Variants in VEPH1 observed in about 807,000 individuals in gnomAD.
VEPH1 encodes the protein ventricular zone expressed PH domain containing 1, also known as ventricular zone-expressed PH domain-containing protein homolog 1.
In VEPH1, 80 loss-of-function variants were observed where a neutral mutation model predicts 85.2. The ratio of observed to expected loss-of-function variants is 0.94; its 90% CI spans 0.78 to 1.13. The LOEUF (loss-of-function observed/expected upper bound fraction) is 1.13, where lower values mean the gene tolerates loss of function less well. Ranked by LOEUF, VEPH1 falls within the 50% of genes most tolerant of loss-of-function variation. VEPH1 has a pLI of 0.00. For missense variants in VEPH1, 955 were observed against 980.5 expected, an observed-to-expected ratio of 0.97 and a Z score of 0.35; for synonymous variants, 297 against 348.0, an observed-to-expected ratio of 0.85 and a Z score of 1.63.
At chr3:157,368,539 T>C (rs1727000365) in intron 7 of VEPH1, among the ~76,000 whole-genome samples, 2 of 152,156 alleles carry the variant, frequency 1.3e-5, no homozygotes, top group Non-Finnish European at 2.9e-5. Context: ...TCGCCCAGGC[T>C]GGAGTGCAGT....
chr3:157,274,284 A>G (rs888708577), intron 12 of VEPH1, among the ~76,000 whole-genome samples: 5 of 152,224 alleles, frequency 3.3e-5, no homozygotes, highest in African/African-American at 7.2e-5. Context: ...TCATGGATCA[A>G]TGCAAATCAT....
intron 7 of VEPH1, among the ~76,000 whole-genome samples, chr3:157,369,203 A>AAAAAAC (rs1432731941): frequency 1.3e-5 from 2 of 149,056 alleles, no homozygotes; most frequent in African/African-American, 2.5e-5. Flanking sequence ...AAAAAAAAAA[A>AAAAAAC]ACCTCCTGAG....
intron 4 of VEPH1, among the ~76,000 whole-genome samples, chr3:157,447,486 A>G (rs1024254243): frequency 6.6e-6 from 1 of 152,170 alleles, no homozygotes; most frequent in African/African-American, 2.4e-5. Context: ...TTTATGGTGA[A>G]CTTAAAAACC....
chr3:157,465,198 A>G (rs1292437512), intron 3 of VEPH1, among the ~76,000 whole-genome samples: 3 of 152,176 alleles, frequency 2.0e-5, no homozygotes, highest in South Asian at 2.1e-4. Context: ...CATTCAACAA[A>G]TATTATTTGA....
chr3:157,487,513 T>C (rs1009577819), intron 2 of VEPH1, among the ~76,000 whole-genome samples: 1 of 152,116 alleles, frequency 6.6e-6, no homozygotes, highest in African/African-American at 2.4e-5. Flanking sequence ...TAGGTCACAA[T>C]ATTACAAAAC....
intron 2 of VEPH1, among the ~76,000 whole-genome samples, chr3:157,488,427 T>C (rs1738859400): frequency 6.6e-6 from 1 of 152,122 alleles, no homozygotes; most frequent in African/African-American, 2.4e-5. Context: ...TCAGTGGCAT[T>C]TGACATCACT....
intron 12 of VEPH1, among the ~76,000 whole-genome samples, chr3:157,283,300 C>T (rs533738362): frequency 8.9e-4 from 136 of 152,138 alleles, no homozygotes; most frequent in African/African-American, 2.9e-3. Flanking sequence ...TGTGACCTTG[C>T]GAAAATTACT....
intron 12 of VEPH1, among the ~76,000 whole-genome samples, chr3:157,282,744 A>G (rs1716296419): frequency 6.6e-6 from 1 of 152,232 alleles, no homozygotes; most frequent in African/African-American, 2.4e-5. Context: ...CTTACTGTCA[A>G]CATACACTGT....
At chr3:157,389,793 T>A (rs548445064) in intron 6 of VEPH1, among the ~76,000 whole-genome samples, 1 of 152,296 alleles carries the variant, frequency 6.6e-6, no homozygotes, top group East Asian at 1.9e-4. Context: ...GGGGATGAAT[T>A]TCTATGAAAC....
chr3:157,449,092 T>A (rs1411216317), intron 4 of VEPH1, among the ~76,000 whole-genome samples: 1 of 152,220 alleles, frequency 6.6e-6, no homozygotes, highest in African/African-American at 2.4e-5. Flanking sequence ...AATAAACATC[T>A]TTCTTTTGGA....
chr3:157,345,128 A>G (rs1724064888), intron 9 of VEPH1, among the ~76,000 whole-genome samples: 1 of 152,242 alleles, frequency 6.6e-6, no homozygotes. Context: ...CAACGCCTTC[A>G]TGTCTAAAAC....
chr3:157,443,135 A>C, intron 4 of VEPH1: 1 of 837,238 alleles, frequency 1.2e-6, no homozygotes, highest in Non-Finnish European at 1.8e-6. Flanking sequence ...CCAAATACTG[A>C]ATAAACAGTT....
Position 157,428,411 on chromosome 3 carries a change from G to A in VEPH1, c.607C>T (p.Leu203Phe), listed in dbSNP as rs1447068300. Residue 203 changes from leucine (L) to phenylalanine (F), a missense_variant, in exon 5 of 14, where the codon CTC becomes TTC. By Grantham distance (22) the Leu-to-Phe change is conservative (BLOSUM62 0). Coordinates refer to ENST00000362010, the MANE Select transcript of VEPH1 (RefSeq NM_001167912.2). ...PQPINRHLTE[L>F]LALMSQLEQP... ...TCCAGCTGAGACATCAAGGCCAGGA[G>A]TTCTGTCAGGTGTCTATTAATTGGC... 6.2e-7 allele frequency: 1 copy of A among 1,614,122 alleles called. No individual in the cohort carries two copies.
chr3:157,390,612 C>T (rs1729766378), intron 6 of VEPH1, among the ~76,000 whole-genome samples: 1 of 152,190 alleles, frequency 6.6e-6, no homozygotes, highest in South Asian at 2.1e-4. Flanking sequence ...ACATAAAGAT[C>T]AGCTCTGTGA....
At chr3:157,480,459 CCT>C (rs1279994720) in intron 2 of VEPH1, among the ~76,000 whole-genome samples, 1 of 152,044 alleles carries the variant, frequency 6.6e-6, no homozygotes, top group African/African-American at 2.4e-5. Context: ...TTCTTCCCTC[CCT>C]CTTTCTCTAG....
intron 9 of VEPH1, among the ~76,000 whole-genome samples, chr3:157,351,271 C>T (rs973522674): frequency 6.6e-6 from 1 of 151,908 alleles, no homozygotes; most frequent in African/African-American, 2.4e-5. Flanking sequence ...CATGGTAAAA[C>T]CCCATTTTTA....
chr3:157,289,269 C>T (rs777483144), intron 11 of VEPH1, among the ~76,000 whole-genome samples: 5 of 152,194 alleles, frequency 3.3e-5, no homozygotes, highest in Non-Finnish European at 5.9e-5. Flanking sequence ...CTTAAGGGTT[C>T]CTTTATTTTT....
chr3:157,447,408 TTAA>T (rs1166560654), intron 4 of VEPH1, among the ~76,000 whole-genome samples: 21 of 152,212 alleles, frequency 1.4e-4, no homozygotes, highest in Non-Finnish European at 2.1e-4. Context: ...TTGAATATTC[TTAA>T]TAAGATTGCT....
At chr3:157,284,374 C>T (rs1716519276) in intron 12 of VEPH1, among the ~76,000 whole-genome samples, 1 of 152,076 alleles carries the variant, frequency 6.6e-6, no homozygotes, top group South Asian at 2.1e-4. Flanking sequence ...AAGGGTCAGC[C>T]TGTAGAAGAC....
Sources: allele counts gnomAD v4.1 joint callset (sites outside exome capture counted in the v4.1 genomes callset), GRCh38; gene constraint gnomAD v4.1.1; transcripts MANE v1.5; gene names NCBI Gene and HGNC (gene_info 2026-07-23, HGNC 2026-07-21).